CNTN6: variants seen among roughly 807,000 people sequenced by gnomAD.
CNTN6 encodes contactin-6.
In CNTN6, 137 loss-of-function variants were observed where a neutral mutation model predicts 122.8. That is an observed-to-expected ratio of 1.12 (90% CI 0.97 to 1.29). The LOEUF is 1.29. Ranked by LOEUF, CNTN6 falls within the 50% of genes most tolerant of loss-of-function variation. CNTN6 has a pLI of 0.00. For synonymous variants in CNTN6, 570 were observed against 426.0 expected, an observed-to-expected ratio of 1.34 and a Z score of -4.16; for missense variants, 1,634 against 1,223.4, an observed-to-expected ratio of 1.34 and a Z score of -5.01.
intron 4 of CNTN6, among the ~76,000 whole-genome samples, chr3:1,274,703 G>A (rs958545027): frequency 1.3e-5 from 2 of 152,082 alleles, no homozygotes; most frequent in African/African-American, 2.4e-5. Context: ...ACTGGAACTA[G>A]CATGTGATAT....
chr3:1,278,084 T>TA (rs1302764689), intron 4 of CNTN6, among the ~76,000 whole-genome samples: 4 of 152,206 alleles, frequency 2.6e-5, no homozygotes, highest in Admixed American at 6.5e-5. Flanking sequence ...CATACCTTTC[T>TA]AAAATCACAC....
chr3:1,260,187 G>A (rs1211481317), intron 4 of CNTN6, among the ~76,000 whole-genome samples: 1 of 152,156 alleles, frequency 6.6e-6, no homozygotes, highest in Non-Finnish European at 1.5e-5. Flanking sequence ...GATTGCAAGT[G>A]ACTTTGTGAT....
intron 1 of CNTN6, among the ~76,000 whole-genome samples, chr3:1,120,075 C>T (rs1357296210): frequency 6.6e-6 from 1 of 151,928 alleles, no homozygotes. Flanking sequence ...CTTTTTATTG[C>T]TGAGTAGTAT....
intron 4 of CNTN6, among the ~76,000 whole-genome samples, chr3:1,256,727 T>A (rs1303406594): frequency 6.6e-6 from 1 of 152,168 alleles, no homozygotes; most frequent in African/African-American, 2.4e-5. Flanking sequence ...TAAATAGATA[T>A]GTTCATGGTT....
intron 4 of CNTN6, among the ~76,000 whole-genome samples, chr3:1,266,756 T>C (rs1176238032): frequency 6.6e-6 from 1 of 152,126 alleles, no homozygotes; most frequent in African/African-American, 2.4e-5. Flanking sequence ...TTTACTCTAA[T>C]GAGAGTCACA....
Position 1,174,979 on chromosome 3 carries a change from G to A in CNTN6, c.55+26916G>A, listed in dbSNP as rs1575120799. Among the ~76,000 whole-genome samples, 5 of 152,076 alleles carry A rather than the reference G, an allele frequency of 3.3e-5. No individual in the cohort carries two copies. The East Asian group carries it at 9.7e-4, about 29-fold the overall frequency. On this transcript the variant is annotated intron_variant, in intron 2 of 22. Transcript: ENST00000446702. ...TGGCAGAGTGTGGTGGGCCATTCCT[G>A]TAATTCCAGCATTTTTGGAGGCCAA...
chr3:1,174,162 C>A (rs538887315), intron 2 of CNTN6, among the ~76,000 whole-genome samples: 2 of 152,264 alleles, frequency 1.3e-5, no homozygotes, highest in South Asian at 4.2e-4. Flanking sequence ...CAAATCTCAG[C>A]TTGAGGCATT....
chr3:1,313,881 GT>G (rs1364067065), intron 7 of CNTN6, among the ~76,000 whole-genome samples: 2 of 152,022 alleles, frequency 1.3e-5, no homozygotes, highest in Non-Finnish European at 2.9e-5. Context: ...TCATCTAGCT[GT>G]GTCCTCGCAT....
At position 1,372,919 on chromosome 3, in the gene CNTN6, G is replaced by C. The variant is rs763508842; in HGVS notation, c.1750G>C (p.Glu584Gln). Reference sequence around the variant, plus strand: ...TCTCTGCACAGTACAAACAACCCTAGAAAGTTTATCTGCAGTAGCCGATAT... The same window carrying C: ...TCTCTGCACAGTACAAACAACCCTACAAAGTTTATCTGCAGTAGCCGATAT... ...KYLCTVQTTL[E>Q]SLSAVADIIV... Residue 584 changes from glutamate (E) to glutamine (Q), a missense_variant, in exon 14 of 23, where the codon GAA becomes CAA. Glu to Gln is a conservative substitution (Grantham distance 29, BLOSUM62 2). Coordinates refer to ENST00000446702, the MANE Select transcript of CNTN6 (RefSeq NM_001289080.2). The C allele has an allele frequency of 7.5e-6, 12 of 1,606,478 alleles. No homozygotes were observed. Among genetic ancestry groups the C allele is most frequent in the Non-Finnish European group, 1.0e-5 (12 of 1,175,036 alleles).
chr3:1,161,264 T>G (rs1028720882), intron 2 of CNTN6, among the ~76,000 whole-genome samples: 8 of 101,662 alleles, frequency 7.9e-5, no homozygotes, highest in African/African-American at 2.8e-4. Context: ...ATATATGATA[T>G]ATATATATAT....
chr3:1,289,135 A>G (rs746557252), intron 5 of CNTN6, among the ~76,000 whole-genome samples: 1 of 152,108 alleles, frequency 6.6e-6, no homozygotes, highest in African/African-American at 2.4e-5. Context: ...CATTTAATTA[A>G]GAAAAGCCAA....
intron 19 of CNTN6, among the ~76,000 whole-genome samples, chr3:1,384,193 T>A (rs1692391288): frequency 6.6e-6 from 1 of 152,178 alleles, no homozygotes; most frequent in African/African-American, 2.4e-5. Context: ...TTAAAATTTT[T>A]CAAGAGGACA....
chr3:1,300,147 T>C (rs996318109), intron 7 of CNTN6, among the ~76,000 whole-genome samples: 1 of 152,046 alleles, frequency 6.6e-6, no homozygotes, highest in South Asian at 2.1e-4. Flanking sequence ...AAGCTAATTG[T>C]AATTTTTTTT....
intron 1 of CNTN6, among the ~76,000 whole-genome samples, chr3:1,139,407 C>CA (rs751926458): frequency 6.6e-6 from 1 of 152,038 alleles, no homozygotes; most frequent in Admixed American, 6.6e-5. Flanking sequence ...TTCTAGAGGA[C>CA]AAAACTTACT....
chr3:1,158,815 TACACACAC>T (rs1302367628), intron 2 of CNTN6, among the ~76,000 whole-genome samples: 45 of 130,374 alleles, frequency 3.5e-4, no homozygotes, highest in African/African-American at 6.7e-4. Flanking sequence ...CACATATATA[TACACACAC>T]ATATATATAC....
intron 2 of CNTN6, among the ~76,000 whole-genome samples, chr3:1,150,043 G>T (rs60357689): frequency 0.16 from 24,007 of 151,798 alleles, 2,185 homozygotes; most frequent in African/African-American, 0.24. Context: ...CATTGTGAAA[G>T]AACAGATTGG....
At chr3:1,110,987 A>G (rs891195601) in intron 1 of CNTN6, among the ~76,000 whole-genome samples, 2 of 152,194 alleles carry the variant, frequency 1.3e-5, no homozygotes, top group Non-Finnish European at 2.9e-5. Context: ...GGCCAGAGAC[A>G]TACACTTTGA....
At chr3:1,220,532 A>C (rs148741636) in intron 2 of CNTN6, among the ~76,000 whole-genome samples, 155 bp from the exon 3 acceptor site, 206 of 152,252 alleles carry the variant, frequency 1.4e-3, no homozygotes, top group Non-Finnish European at 2.4e-3. Flanking sequence ...AGAGAAAAAA[A>C]TTCTTTGTCC....
intron 4 of CNTN6, among the ~76,000 whole-genome samples, chr3:1,275,799 C>A: frequency 8.2e-6 from 1 of 121,294 alleles, no homozygotes; most frequent in South Asian, 2.3e-4. Context: ...CACTGCTGAT[C>A]TAACAGGGGG....
Sources: gnomAD v4.1 joint callset for allele counts (sites outside exome capture counted in the v4.1 genomes callset) on GRCh38, gnomAD v4.1.1 for gene constraint, MANE v1.5 for transcripts, NCBI Gene and HGNC (gene_info 2026-07-23, HGNC 2026-07-21) for gene names.